Variants in LIMCH1 observed in about 807,000 individuals in gnomAD.
LIMCH1 encodes the protein LIM and calponin homology domains-containing protein 1.
In LIMCH1, 113 loss-of-function variants were observed where a neutral mutation model predicts 176.5. That is an observed-to-expected ratio of 0.64 (90% CI 0.55 to 0.75). The LOEUF (loss-of-function observed/expected upper bound fraction) is 0.75, where lower values mean the gene tolerates loss of function less well. Among genes scored for constraint, LIMCH1 ranks in the 30% least tolerant of loss-of-function variants. LIMCH1 has a pLI of 0.00. For synonymous variants in LIMCH1, 619 were observed against 645.9 expected (o/e 0.96, Z 0.63); for missense variants, 1,674 against 1,814.9 (o/e 0.92, Z 1.41).
At chr4:41,404,171 T>G (rs2058733954) in intron 1 of LIMCH1, among the ~76,000 whole-genome samples, 1 of 152,162 alleles carries the variant, frequency 6.6e-6, no homozygotes, top group Non-Finnish European at 1.5e-5. Flanking sequence ...TGTGGATTGG[T>G]ACCCAGACTG....
At chr4:41,412,327 G>T (rs751183377) in intron 1 of LIMCH1, among the ~76,000 whole-genome samples, 1 of 152,138 alleles carries the variant, frequency 6.6e-6, no homozygotes, top group African/African-American at 2.4e-5. Flanking sequence ...ATATAATTAG[G>T]TACTGAAGAG....
At position 41,620,631 on chromosome 4, in the gene LIMCH1, G is replaced by A. The variant is rs879267855; in HGVS notation, c.666G>A (p.Lys222=). 1.3e-6 allele frequency: 2 copies of A among 1,536,188 alleles called. No homozygotes were observed. Among genetic ancestry groups the A allele is most frequent in the Admixed American group, 3.9e-5 (2 of 51,000 alleles). Residue 222 remains lysine, a synonymous_variant, in exon 7 of 32, where the codon AAG becomes AAA. Coordinates refer to ENST00000503057, the MANE Select transcript of LIMCH1 (RefSeq NM_001330672.2). ...AAAAAGATGCTGCTGAGATCCAAAA[G>A]CGCAAAAGGCTAGAGCAAGCTGGAA... ...SEEKDAAEIQ[K]RKRLEQAGIK... is the part of the protein sequence containing the mutation.
Position 41,619,273 on chromosome 4 carries a change from C to G in LIMCH1, c.291C>G (p.Ser97=). Residue 97 remains serine, a synonymous_variant, in exon 6 of 32, where the codon TCC becomes TCG. Coordinates refer to ENST00000503057, the MANE Select transcript of LIMCH1 (RefSeq NM_001330672.2). ...ATGACATGTCTGCACGGCGGACTTC[C>G]CATGGTGAGCCGAAATCAGCAGTGC... ...KKDDMSARRT[S]HGEPKSAVPF... 1 of 1,614,210 alleles carries G rather than the reference C, an allele frequency of 6.2e-7. No homozygotes were observed. The highest frequency in any genetic ancestry group is 8.5e-7 in the Non-Finnish European group (1 of 1,180,040).
chr4:41,373,575 C>T (rs1011618162), intron 1 of LIMCH1, among the ~76,000 whole-genome samples: 1 of 152,244 alleles, frequency 6.6e-6, no homozygotes, highest in African/African-American at 2.4e-5. Flanking sequence ...CAAATTCTGT[C>T]CTAAGCACCT....
chr4:41,405,835 G>A (rs1000915669), intron 1 of LIMCH1, among the ~76,000 whole-genome samples: 3 of 152,170 alleles, frequency 2.0e-5, no homozygotes, highest in Admixed American at 6.5e-5. Context: ...TAGGGGTTGT[G>A]CTTTTGAAGT....
Position 41,516,140 on chromosome 4 carries a change from G to A in LIMCH1, c.168-8269G>A, listed in dbSNP as rs1313190158. On this transcript the variant is annotated intron_variant, in intron 2 of 26. Coordinates refer to the LIMCH1 transcript ENST00000313860. ...TCATATGTTTCATCCTAAGCTTGTA[G>A]CTTATAAAAGCAGGGAGAGTCTTGA... 2.0e-5 allele frequency among the ~76,000 whole-genome samples: 3 copies of A among 152,156 alleles called. 1 individual carries two copies. The highest frequency in any genetic ancestry group is 4.4e-5 in the Non-Finnish European group (3 of 68,036).
At chr4:41,640,707 A>G (rs185168018) in intron 14 of LIMCH1, among the ~76,000 whole-genome samples, 17 of 152,342 alleles carry the variant, frequency 1.1e-4, no homozygotes, top group Admixed American at 9.8e-4. Context: ...TACTATTTTT[A>G]GTTTATTCCC....
At chr4:41,492,428 C>A (rs13128024) in intron 1 of LIMCH1, among the ~76,000 whole-genome samples, 36,922 of 146,490 alleles carry the variant, frequency 0.25, 4,953 homozygotes, top group South Asian at 0.32. Context: ...AGAGAGGGAG[C>A]CCAGAGGGAG....
Position 41,662,851 on chromosome 4 carries a change from G to A in LIMCH1, c.3158G>A (p.Arg1053Gln), listed in dbSNP as rs200351703. 51 of 1,613,970 alleles carry A rather than the reference G, an allele frequency of 3.2e-5. No individual in the cohort carries two copies. Among genetic ancestry groups the A allele is most frequent in the African/African-American group, 1.9e-4 (14 of 74,998 alleles). ...EPQHFTTTVTRCSPTVAFVEF... is the reference protein window; with the variant it reads ...EPQHFTTTVTQCSPTVAFVEF... ...CAGCATTTTACAACAACTGTGACTC[G>A]ATGCAGCCCGACCGTGGCCTTTGTG... Residue 1053 changes from arginine to glutamine, a missense_variant, in exon 20 of 32, where the codon CGA becomes CAA. Coordinates refer to ENST00000503057, the MANE Select transcript of LIMCH1 (RefSeq NM_001330672.2).
At chr4:41,460,555 G>A (rs2065237911) in intron 1 of LIMCH1, among the ~76,000 whole-genome samples, 1 of 150,126 alleles carries the variant, frequency 6.7e-6, no homozygotes, top group African/African-American at 2.5e-5. Context: ...TTTAAGTAGA[G>A]ATTTAGGTGT....
chr4:41,455,898 C>A (rs183028049), intron 1 of LIMCH1, among the ~76,000 whole-genome samples: 1 of 152,226 alleles, frequency 6.6e-6, no homozygotes, highest in African/African-American at 2.4e-5. Flanking sequence ...TGACTTGATA[C>A]TAACACATAA....
intron 1 of LIMCH1, among the ~76,000 whole-genome samples, chr4:41,390,248 G>GAA (rs1341222478): frequency 6.8e-6 from 1 of 147,312 alleles, no homozygotes; most frequent in Non-Finnish European, 1.5e-5. Context: ...GGGAGAGAGA[G>GAA]AGAGAGAGAG....
chr4:41,581,445 C>T (rs2085416039), intron 1 of LIMCH1, among the ~76,000 whole-genome samples: 1 of 152,098 alleles, frequency 6.6e-6, no homozygotes, highest in Non-Finnish European at 1.5e-5. Flanking sequence ...CCAACATTTC[C>T]CTATTTCCCA....
intron 2 of LIMCH1, among the ~76,000 whole-genome samples, chr4:41,519,859 T>G (rs2152396226): frequency 6.6e-6 from 1 of 152,330 alleles, no homozygotes. Context: ...AAGGGAAAAC[T>G]GAGACCCTGA....
At chr4:41,509,811 A>C (rs1038378761) in intron 2 of LIMCH1, among the ~76,000 whole-genome samples, 1 of 152,160 alleles carries the variant, frequency 6.6e-6, no homozygotes, top group African/African-American at 2.4e-5. Flanking sequence ...CTCACCAAAT[A>C]AATAGCCCTT....
chr4:41,524,990 G>C (rs1454380747), intron 3 of LIMCH1, among the ~76,000 whole-genome samples: 1 of 152,248 alleles, frequency 6.6e-6, no homozygotes, highest in African/African-American at 2.4e-5. Flanking sequence ...ACGTCATCTG[G>C]AGAACTGTTT....
At chr4:41,456,789 T>A (rs1015862093) in intron 1 of LIMCH1, among the ~76,000 whole-genome samples, 1 of 152,116 alleles carries the variant, frequency 6.6e-6, no homozygotes, top group Non-Finnish European at 1.5e-5. Flanking sequence ...GCTCAGAGGT[T>A]TGGGGCTGGA....
chr4:41,585,509 T>G (rs2086283543), intron 1 of LIMCH1, among the ~76,000 whole-genome samples: 2 of 152,214 alleles, frequency 1.3e-5, no homozygotes, highest in Admixed American at 6.5e-5. Context: ...AGTGTGCAAG[T>G]GTCTATTTGA....
intron 2 of LIMCH1, among the ~76,000 whole-genome samples, chr4:41,523,624 A>G (rs1030956899): frequency 1.3e-5 from 2 of 152,188 alleles, no homozygotes; most frequent in Admixed American, 6.5e-5. Flanking sequence ...TGCAAATACT[A>G]CACTTTACCC....
Sources: allele counts gnomAD v4.1 joint callset (sites outside exome capture counted in the v4.1 genomes callset), GRCh38; gene constraint gnomAD v4.1.1; transcripts MANE v1.5; gene names NCBI Gene and HGNC (gene_info 2026-07-23, HGNC 2026-07-21).